Variants in TES observed in about 807,000 individuals in gnomAD.
TES encodes testin.
Under a neutral mutation model 48.2 loss-of-function variants are expected in TES, and 41 were observed. That is an observed-to-expected ratio of 0.85 (90% confidence interval 0.66 to 1.10). The LOEUF (loss-of-function observed/expected upper bound fraction) is 1.10, where lower values mean the gene tolerates loss of function less well. Ranked by LOEUF, TES falls within the 50% of genes least tolerant of loss-of-function variation. TES has a pLI of 0.00. For missense variants in TES, 463 were observed against 515.1 expected (o/e 0.90, Z 0.98); for synonymous variants, 162 against 174.9 (o/e 0.93, Z 0.58).
Position 116,249,023 on chromosome 7 carries a change from AAT to A in TES, c.120_121del (p.Ile40MetfsTer3). The A allele has an allele frequency of 6.3e-7, 1 of 1,577,824 alleles. No homozygotes were observed. The highest frequency in any genetic ancestry group is 8.6e-7 in the Non-Finnish European group (1 of 1,164,134). On this transcript the variant is annotated frameshift_variant, in exon 3 of 7. Transcript: ENST00000358204. LOFTEE classifies it high-confidence loss of function. The part of the protein sequence containing the change: ...EGFELHFWRK[I>X]CRNCKCGQEE... Reference sequence around the variant, plus strand: ...CTACTTATTTTCAAAATTATAGAAAAATATGTCGTAACTGCAAGTGTGGCCAA... The same window carrying A: ...CTACTTATTTTCAAAATTATAGAAAAATGTCGTAACTGCAAGTGTGGCCAA...
At chr7:116,231,148 GAGTAGCTGTGCAACC>G (rs973253771) in intron 1 of TES, among the ~76,000 whole-genome samples, 4 of 152,124 alleles carry the variant, frequency 2.6e-5, no homozygotes, top group African/African-American at 9.7e-5. Flanking sequence ...GTTTGCTATT[GAGTAGCTGTGCAACC>G]AGGAGCAAAT....
chr7:116,248,108 A>G (rs6953050), intron 2 of TES, among the ~76,000 whole-genome samples: 50,804 of 152,050 alleles, frequency 0.33, 8,939 homozygotes, highest in East Asian at 0.57. Context: ...TAAGATAATG[A>G]CTTCCAGCTG....
At chr7:116,250,114 C>T (rs1192959124) in intron 3 of TES, 47 bp from the exon 4 acceptor site, 18 of 1,449,800 alleles carry the variant, frequency 1.2e-5, no homozygotes, top group Admixed American at 2.6e-5. Flanking sequence ...AAACATCACA[C>T]TGCCTAATGG....
At chr7:116,247,020 A>G (rs1004243326) in intron 2 of TES, among the ~76,000 whole-genome samples, 2 of 140,118 alleles carry the variant, frequency 1.4e-5, no homozygotes, top group African/African-American at 5.4e-5. Context: ...GCACTCGTGT[A>G]TGTTGCATGA....
intron 2 of TES, among the ~76,000 whole-genome samples, chr7:116,241,463 G>A (rs1296928545): frequency 6.6e-6 from 1 of 152,102 alleles, no homozygotes; most frequent in African/African-American, 2.4e-5. Context: ...CTTCTGGAAG[G>A]GATGTGGTCA....
intron 1 of TES, among the ~76,000 whole-genome samples, chr7:116,213,160 C>CT (rs568994032): frequency 1.4e-3 from 208 of 152,316 alleles, no homozygotes; most frequent in Admixed American, 2.6e-3. Flanking sequence ...CAATTGTTTT[C>CT]TAACACGTCC....
At chr7:116,231,291 C>G (rs1332537989) in intron 1 of TES, among the ~76,000 whole-genome samples, 1 of 152,124 alleles carries the variant, frequency 6.6e-6, no homozygotes, top group Non-Finnish European at 1.5e-5. Flanking sequence ...GAAATACCAC[C>G]AGCTCTAGTA....
At chr7:116,240,457 C>T (rs940274381) in intron 2 of TES, among the ~76,000 whole-genome samples, 1 of 151,920 alleles carries the variant, frequency 6.6e-6, no homozygotes, top group Non-Finnish European at 1.5e-5. Flanking sequence ...CGCTCTTTCT[C>T]TCTCTCTCAC....
chr7:116,236,682 A>AAAGC (rs1799776789), intron 2 of TES, among the ~76,000 whole-genome samples: 1 of 152,212 alleles, frequency 6.6e-6, no homozygotes, highest in Non-Finnish European at 1.5e-5. Flanking sequence ...AAGAGATATC[A>AAAGC]TCTTTTCTCT....
At chr7:116,227,025 C>G (rs1584613952) in intron 1 of TES, among the ~76,000 whole-genome samples, 1 of 152,128 alleles carries the variant, frequency 6.6e-6, no homozygotes, top group African/African-American at 2.4e-5. Context: ...AGTTGGCAAA[C>G]TAATAAAATG....
At chr7:116,228,146 T>A (rs1799649150) in intron 1 of TES, among the ~76,000 whole-genome samples, 1 of 152,146 alleles carries the variant, frequency 6.6e-6, no homozygotes, top group Non-Finnish European at 1.5e-5. Context: ...TTCCCATTTC[T>A]TATTCTAAAA....
intron 1 of TES, among the ~76,000 whole-genome samples, chr7:116,215,550 G>A (rs1429839372): frequency 2.6e-5 from 4 of 152,098 alleles, no homozygotes; most frequent in Non-Finnish European, 5.9e-5. Context: ...CAAAGAAATA[G>A]CATAAACTCC....
At chr7:116,216,952 TA>T (rs928667463) in intron 1 of TES, among the ~76,000 whole-genome samples, 32 of 151,622 alleles carry the variant, frequency 2.1e-4, no homozygotes, top group Admixed American at 5.9e-4. Context: ...TTTAAAAGAT[TA>T]AAAAAAAACT....
At chr7:116,218,192 A>T (rs1799516113) in intron 1 of TES, among the ~76,000 whole-genome samples, 1 of 152,120 alleles carries the variant, frequency 6.6e-6, no homozygotes, top group African/African-American at 2.4e-5. Flanking sequence ...TCCTCAAACC[A>T]TGAGTGATTC....
At chr7:116,235,014 A>T (rs985599693) in intron 2 of TES, among the ~76,000 whole-genome samples, 2 of 152,260 alleles carry the variant, frequency 1.3e-5, no homozygotes, top group South Asian at 2.1e-4. Flanking sequence ...GTGTGATCTC[A>T]GCTCACTGCA....
At chr7:116,241,750 C>T (rs1382403678) in intron 2 of TES, among the ~76,000 whole-genome samples, 1 of 152,080 alleles carries the variant, frequency 6.6e-6, no homozygotes, top group Non-Finnish European at 1.5e-5. Flanking sequence ...ATTTTACTCA[C>T]TTATTAACAA....
intron 2 of TES, among the ~76,000 whole-genome samples, chr7:116,245,023 G>A (rs1427907920): frequency 1.3e-5 from 2 of 152,234 alleles, no homozygotes; most frequent in Non-Finnish European, 2.9e-5. Context: ...ATCCCTGGGC[G>A]TGGTCCACGA....
At chr7:116,229,155 T>C (rs943467603) in intron 1 of TES, among the ~76,000 whole-genome samples, 119 of 151,992 alleles carry the variant, frequency 7.8e-4, no homozygotes, top group African/African-American at 2.7e-3. Context: ...TCGCCTTAGC[T>C]GAGGAGCTAA....
At chr7:116,243,551 G>A (rs1275493722) in intron 2 of TES, among the ~76,000 whole-genome samples, 1 of 152,086 alleles carries the variant, frequency 6.6e-6, no homozygotes, top group Non-Finnish European at 1.5e-5. Flanking sequence ...TTTTTAACAT[G>A]AGAGTTATAG....
Sources: allele counts gnomAD v4.1 joint callset (sites outside exome capture counted in the v4.1 genomes callset), GRCh38; gene constraint gnomAD v4.1.1; transcripts MANE v1.5; gene names NCBI Gene and HGNC (gene_info 2026-07-23, HGNC 2026-07-21).